The following NPAS3 variants were observed in gnomAD, a reference collection of about 807,000 sequenced individuals.
NPAS3 encodes the protein neuronal PAS domain-containing protein 3.
In NPAS3, 14 loss-of-function variants were observed where a neutral mutation model predicts 73.1. The observed-to-expected ratio is 0.19, with a 90% CI of 0.13 to 0.30. The LOEUF (loss-of-function observed/expected upper bound fraction) is 0.30. NPAS3 is among the 10% of genes least tolerant of loss of function. The pLI is 1.00. For missense variants in NPAS3, 1,096 were observed against 1,250.0 expected (o/e 0.88, Z 1.86); for synonymous variants, 620 against 541.5 (o/e 1.14, Z -2.01).
chr14:33,145,947 A>T lies in NPAS3; in HGVS notation c.141-69235A>T, dbSNP rs529373057. ...GAAAAATAACTTAAAGAAGAATGAA[A>T]GAGTGTGCCTGTGAAAATCTATACT... is the stretch of plus-strand genomic sequence containing the variant. On this transcript the variant is annotated intron_variant, in intron 2 of 11. Coordinates refer to ENST00000356141, the Ensembl canonical transcript of NPAS3. 5.3e-5 allele frequency among the ~76,000 whole-genome samples: 8 copies of T among 152,302 alleles called. No homozygotes were observed. In the East Asian group the frequency reaches 1.5e-3, roughly 29 times the overall value.
chr14:33,674,543 A>AG (rs2059702196), intron 5 of NPAS3, among the ~76,000 whole-genome samples: 1 of 152,230 alleles, frequency 6.6e-6, no homozygotes, highest in Admixed American at 6.5e-5. Flanking sequence ...CGCACATTAA[A>AG]GGGATTATTT....
At chr14:33,127,253 GT>G (rs1173510351) in intron 2 of NPAS3, among the ~76,000 whole-genome samples, 5 of 152,092 alleles carry the variant, frequency 3.3e-5, no homozygotes, top group Non-Finnish European at 7.4e-5. Context: ...CTTTGCTGTA[GT>G]TTTTTCATGG....
At chr14:33,282,118 A>G (rs2041651610) in intron 3 of NPAS3, among the ~76,000 whole-genome samples, 1 of 152,194 alleles carries the variant, frequency 6.6e-6, no homozygotes, top group Non-Finnish European at 1.5e-5. Context: ...TTGTTTGACT[A>G]TATTAGAGTC....
rs577787130 is a variant in NPAS3, at chr14:33,792,143, G to A, written c.1154-1754G>A. Among the ~76,000 whole-genome samples, 13 of 152,238 alleles carry A rather than the reference G, an allele frequency of 8.5e-5. No homozygotes were observed. The South Asian group carries it at 1.5e-3, about 17-fold the overall frequency. ...ATTTTACTGCTTTCAGCTTCACCAC[G>A]CAGTTTTGTAGCCTGGGAAGCCATG... On this transcript the variant is annotated intron_variant, in intron 9 of 11. Coordinates refer to ENST00000356141, the Ensembl canonical transcript of NPAS3.
chr14:33,361,669 T>C (rs924635202), intron 3 of NPAS3, among the ~76,000 whole-genome samples: 10 of 152,216 alleles, frequency 6.6e-5, no homozygotes, highest in Non-Finnish European at 1.3e-4. Flanking sequence ...CTTCTTAAAA[T>C]TTCAATTGCA....
chr14:33,502,778 A>G (rs1431794694), intron 4 of NPAS3, among the ~76,000 whole-genome samples: 1 of 151,866 alleles, frequency 6.6e-6, no homozygotes. Context: ...CTTACAGTCT[A>G]TCCTAATAAC....
chr14:33,472,395 G>T (rs889380023), intron 4 of NPAS3, among the ~76,000 whole-genome samples: 4 of 152,178 alleles, frequency 2.6e-5, no homozygotes, highest in East Asian at 1.9e-4. Context: ...AACCATGTGG[G>T]ATGGGTTTGA....
chr14:33,054,983 T>A (rs2040838055), intron 1 of NPAS3, among the ~76,000 whole-genome samples: 1 of 152,196 alleles, frequency 6.6e-6, no homozygotes, highest in Non-Finnish European at 1.5e-5. Flanking sequence ...ATATTAAGTA[T>A]CTACTGGCTT....
At chr14:32,997,147 A>G (rs1278435960) in intron 1 of NPAS3, among the ~76,000 whole-genome samples, 2 of 152,206 alleles carry the variant, frequency 1.3e-5, no homozygotes, top group African/African-American at 4.8e-5. Context: ...TCAGACGTGC[A>G]TGGGGCCTGT....
chr14:33,263,852 G>A (rs2049067889), intron 3 of NPAS3, among the ~76,000 whole-genome samples: 1 of 152,100 alleles, frequency 6.6e-6, no homozygotes, highest in Admixed American at 6.5e-5. Context: ...TTGTAAGTTG[G>A]ATTCCTAGGT....
At chr14:33,526,380 T>C (rs1254818715) in intron 4 of NPAS3, among the ~76,000 whole-genome samples, 1 of 142,972 alleles carries the variant, frequency 7.0e-6, no homozygotes, top group Non-Finnish European at 1.6e-5. Context: ...CATTTGTTTG[T>C]TTTTAATAAA....
chr14:33,538,113 A>G (rs1192209921), intron 4 of NPAS3, among the ~76,000 whole-genome samples: 1 of 152,190 alleles, frequency 6.6e-6, no homozygotes, highest in Non-Finnish European at 1.5e-5. Context: ...TTGGCCAACC[A>G]AAAAGAAACT....
intron 6 of NPAS3, among the ~76,000 whole-genome samples, chr14:33,702,797 A>G (rs7150478): frequency 0.78 from 118,620 of 152,042 alleles, 46,466 homozygotes; most frequent in Admixed American, 0.84. Context: ...CTGAATGGCA[A>G]ACTTGTGTTA....
At chr14:33,077,264 AG>A (rs1404073458) in intron 2 of NPAS3, among the ~76,000 whole-genome samples, 2 of 152,158 alleles carry the variant, frequency 1.3e-5, no homozygotes, top group Non-Finnish European at 2.9e-5. Flanking sequence ...TCTTGCTGAA[AG>A]GGTGACAATG....
At chr14:33,130,384 G>A (rs532544822) in intron 2 of NPAS3, among the ~76,000 whole-genome samples, 21 of 152,240 alleles carry the variant, frequency 1.4e-4, no homozygotes, top group African/African-American at 4.8e-4. Flanking sequence ...TTGAGAAAGC[G>A]AATGAAGGTG....
At chr14:33,302,739 C>T (rs1316123679) in intron 3 of NPAS3, among the ~76,000 whole-genome samples, 2 of 152,160 alleles carry the variant, frequency 1.3e-5, no homozygotes, top group Admixed American at 6.5e-5. Context: ...GATGTTAGTT[C>T]CTACACAGTG....
chr14:33,318,345 C>T (rs753629904), intron 3 of NPAS3, among the ~76,000 whole-genome samples: 1 of 151,872 alleles, frequency 6.6e-6, no homozygotes, highest in Non-Finnish European at 1.5e-5. Flanking sequence ...CTGAGGGTAG[C>T]GAGGAATGGG....
intron 4 of NPAS3, among the ~76,000 whole-genome samples, chr14:33,498,933 AGAGTGTGTGTGT>A (rs1200931171): frequency 1.8e-4 from 14 of 76,964 alleles, no homozygotes; most frequent in African/African-American, 6.1e-4. Flanking sequence ...AGACAGAGAG[AGAGTGTGTGTGT>A]GTGTGTGTGT....
chr14:33,160,441 G>A (rs2044823149), intron 2 of NPAS3, among the ~76,000 whole-genome samples: 2 of 137,404 alleles, frequency 1.5e-5, no homozygotes, highest in Non-Finnish European at 3.0e-5. Context: ...CTGTGCCAAA[G>A]AAAAGTCTGT....
Sources: gnomAD v4.1 joint callset for allele counts (sites outside exome capture counted in the v4.1 genomes callset) on GRCh38, gnomAD v4.1.1 for gene constraint, MANE v1.5 for transcripts, NCBI Gene and HGNC (gene_info 2026-07-23, HGNC 2026-07-21) for gene names.